The following SPAG17 variants were observed in gnomAD, a reference collection of about 807,000 sequenced individuals.
The protein encoded by SPAG17 is sperm associated antigen 17.
Under a neutral mutation model 273.6 loss-of-function variants are expected in SPAG17, and 169 were observed. That is an observed-to-expected ratio of 0.62 (90% confidence interval 0.55 to 0.70). SPAG17 has a LOEUF of 0.70. Among genes scored for constraint, SPAG17 ranks in the 30% least tolerant of loss-of-function variants. SPAG17 has a pLI of 0.00. For synonymous variants in SPAG17, 825 were observed against 873.2 expected, an observed-to-expected ratio of 0.94 and a Z score of 0.97; for missense variants, 2,557 against 2,627.8, an observed-to-expected ratio of 0.97 and a Z score of 0.59.
intron 15 of SPAG17, among the ~76,000 whole-genome samples, chr1:118,076,857 C>G (rs1450406156): frequency 6.6e-6 from 1 of 151,918 alleles, no homozygotes; most frequent in East Asian, 1.9e-4. Flanking sequence ...CTTTCCTAAT[C>G]TGTTTTACTT....
chr1:117,965,322 T>C (rs1296108878), intron 47 of SPAG17: 1 of 152,254 alleles, frequency 6.6e-6, no homozygotes, highest in East Asian at 1.9e-4. Flanking sequence ...CTGGCTCTTC[T>C]TCCTCCTGCT....
intron 15 of SPAG17, among the ~76,000 whole-genome samples, chr1:118,074,815 A>G (rs985987160): frequency 6.6e-6 from 1 of 152,248 alleles, no homozygotes; most frequent in Non-Finnish European, 1.5e-5. Context: ...TTTGAAAAGA[A>G]CCTAGCTTCT....
intron 3 of SPAG17, among the ~76,000 whole-genome samples, chr1:118,126,062 A>G (rs1290654475): frequency 7.7e-6 from 1 of 129,782 alleles, no homozygotes; most frequent in Non-Finnish European, 1.6e-5. Flanking sequence ...TTTTTTTGAT[A>G]ATAGCCATTC....
chr1:117,961,868 T>C (rs1653147140), intron 48 of SPAG17: 1 of 152,498 alleles, frequency 6.6e-6, no homozygotes. Context: ...CAGTGTTGTT[T>C]AGGCAGCTAT....
chr1:118,093,394 A>G, intron 7 of SPAG17, 77 bp from the exon 8 acceptor site: 1 of 1,384,458 alleles, frequency 7.2e-7, no homozygotes, highest in Admixed American at 2.3e-5. Context: ...TATATCTCTT[A>G]ACAGTTATGC....
intron 1 of SPAG17, among the ~76,000 whole-genome samples, chr1:118,168,025 C>T (rs1660252176): frequency 6.6e-6 from 1 of 152,302 alleles, no homozygotes; most frequent in South Asian, 2.1e-4. Context: ...TTCCTGAGGC[C>T]TCCCCAGAAG....
At position 118,025,385 on chromosome 1, in the gene SPAG17, C is replaced by G; in HGVS notation, c.3762G>C (p.Trp1254Cys). Residue 1254 changes from tryptophan (W) to cysteine (C), a missense_variant, in exon 27 of 49, where the codon TGG (tryptophan) becomes TGC (cysteine). Trp to Cys is a radical substitution (Grantham distance 215, BLOSUM62 -2). Transcript: ENST00000336338. ...GGTAGCTCTGACGGACCATGATGTC[C>G]CAGGTGGGTTCCTCATCTATAACAT... The part of the protein sequence containing the change: ...GQYVIDEEPT[W>C]DIMVRQSYPQ... 1.3e-6 allele frequency: 2 copies of G among 1,598,514 alleles called. No individual in the cohort carries two copies. The highest frequency in any genetic ancestry group is 1.7e-6 in the Non-Finnish European group (2 of 1,174,350).
At chr1:118,100,804 G>A (rs1469992187) in intron 5 of SPAG17, among the ~76,000 whole-genome samples, 3 of 152,110 alleles carry the variant, frequency 2.0e-5, no homozygotes, top group African/African-American at 2.4e-5. Flanking sequence ...AGCTGCCTAG[G>A]ATGAATCATT....
At chr1:117,964,025 C>T in intron 47 of SPAG17, 87 bp from the exon 48 acceptor site, 2 of 1,446,484 alleles carry the variant, frequency 1.4e-6, no homozygotes, top group Non-Finnish European at 1.9e-6. Flanking sequence ...CATAGAATTT[C>T]TTCTCTGGCA....
intron 22 of SPAG17, among the ~76,000 whole-genome samples, chr1:118,040,058 A>G (rs1321855538): frequency 6.6e-6 from 1 of 152,196 alleles, no homozygotes; most frequent in Admixed American, 6.5e-5. Flanking sequence ...ACTTATAAAA[A>G]TTATGTTATA....
intron 1 of SPAG17, among the ~76,000 whole-genome samples, chr1:118,175,191 C>A (rs1355722358): frequency 6.6e-6 from 1 of 152,112 alleles, no homozygotes; most frequent in African/African-American, 2.4e-5. Flanking sequence ...CCACCACACC[C>A]AGTTAATTTT....
At chr1:118,036,191 A>AAAAGAAAG (rs981458325) in intron 24 of SPAG17, among the ~76,000 whole-genome samples, 2 of 152,032 alleles carry the variant, frequency 1.3e-5, no homozygotes, top group East Asian at 1.9e-4. Context: ...CTGTCTCAGA[A>AAAAGAAAG]AAAGAAAGAA....
At chr1:118,079,917 A>G (rs1482289909) in intron 15 of SPAG17, among the ~76,000 whole-genome samples, 2 of 152,122 alleles carry the variant, frequency 1.3e-5, no homozygotes, top group African/African-American at 4.8e-5. Flanking sequence ...TTAATGTTTG[A>G]CCTAGGTGTT....
chr1:118,159,511 G>T (rs1428987365), intron 1 of SPAG17, among the ~76,000 whole-genome samples: 1 of 152,162 alleles, frequency 6.6e-6, no homozygotes, highest in East Asian at 1.9e-4. Flanking sequence ...TTGTAAATTT[G>T]TTGAGTACCA....
At chr1:118,111,680 C>T (rs1656771309) in intron 4 of SPAG17, among the ~76,000 whole-genome samples, 1 of 151,756 alleles carries the variant, frequency 6.6e-6, no homozygotes, top group African/African-American at 2.4e-5. Flanking sequence ...TCTCATTTCT[C>T]TTTGTCTCTC....
intron 10 of SPAG17, among the ~76,000 whole-genome samples, chr1:118,088,093 A>G (rs1401654318): frequency 6.6e-6 from 1 of 152,168 alleles, no homozygotes; most frequent in Non-Finnish European, 1.5e-5. Context: ...TCCACTTTCT[A>G]TCCTCTGATC....
chr1:118,170,252 G>C (rs951349373), intron 1 of SPAG17, among the ~76,000 whole-genome samples: 1 of 152,148 alleles, frequency 6.6e-6, no homozygotes, highest in African/African-American at 2.4e-5. Flanking sequence ...TATAAGAAGA[G>C]TAAGATGTGA....
intron 10 of SPAG17, among the ~76,000 whole-genome samples, chr1:118,089,833 C>G (rs1043547900): frequency 5.9e-5 from 9 of 152,120 alleles, no homozygotes; most frequent in Non-Finnish European, 1.2e-4. Context: ...GTAATCCCCA[C>G]GTGTCGAGGG....
At chr1:118,138,995 G>A (rs761432455) in intron 3 of SPAG17, among the ~76,000 whole-genome samples, 5 of 151,780 alleles carry the variant, frequency 3.3e-5, no homozygotes, top group Non-Finnish European at 5.9e-5. Context: ...AATTTTCTCT[G>A]TAATAGAAGA....
Sources: gnomAD v4.1 joint callset for allele counts (sites outside exome capture counted in the v4.1 genomes callset) on GRCh38, gnomAD v4.1.1 for gene constraint, MANE v1.5 for transcripts, NCBI Gene and HGNC (gene_info 2026-07-23, HGNC 2026-07-21) for gene names.